SLC25A27: variants seen among roughly 807,000 people sequenced by gnomAD.
SLC25A27 encodes the protein mitochondrial uncoupling protein 4.
SLC25A27 carries 35 observed loss-of-function variants against 49.1 expected under a neutral mutation model. The ratio of observed to expected loss-of-function variants is 0.71; its 90% CI spans 0.54 to 0.95. SLC25A27 has a LOEUF of 0.95. Among genes scored for constraint, SLC25A27 ranks in the 40% least tolerant of loss-of-function variants. SLC25A27 has a pLI of 0.00. For synonymous variants in SLC25A27, 144 were observed against 136.9 expected (o/e 1.05, Z -0.36); for missense variants, 339 against 397.1 (o/e 0.85, Z 1.24).
intron 5 of SLC25A27, among the ~76,000 whole-genome samples, chr6:46,668,070 C>T (rs1260441565): frequency 7.2e-5 from 11 of 152,336 alleles, no homozygotes; most frequent in African/African-American, 2.2e-4. Context: ...AAGGGCCAGG[C>T]GCGGCGGCTC....
chr6:46,655,531 GTTTGTTTTTTTTTTTTTTTTTTTTTTT>G (rs1562033617), intron 1 of SLC25A27, among the ~76,000 whole-genome samples: 5 of 98,540 alleles, frequency 5.1e-5, no homozygotes, highest in Non-Finnish European at 1.1e-4. Flanking sequence ...TATTGTTAAT[GTTTGTTTTTTTTTTTTTTTTTTTTTTT>G]TTTTTTTTTT....
intron 5 of SLC25A27, among the ~76,000 whole-genome samples, chr6:46,668,288 C>T (rs1043718423): frequency 2.6e-5 from 4 of 152,074 alleles, no homozygotes; most frequent in South Asian, 2.1e-4. Context: ...CAGTGAGCCG[C>T]GATCACGCCA....
chr6:46,657,344 T>G (rs1763018266), intron 2 of SLC25A27, among the ~76,000 whole-genome samples: 1 of 152,016 alleles, frequency 6.6e-6, no homozygotes, highest in Non-Finnish European at 1.5e-5. Flanking sequence ...ATTCCTGTAA[T>G]CCCAGCTACT....
intron 5 of SLC25A27, 40 bp from the exon 6 acceptor site, chr6:46,668,669 A>G: frequency 8.8e-7 from 1 of 1,139,454 alleles, no homozygotes; most frequent in Non-Finnish European, 1.3e-6. Flanking sequence ...AAAGACATTC[A>G]CTGTTGACTG....
At chr6:46,653,347 C>G (rs1251098935) in intron 1 of SLC25A27, 49 bp downstream of exon 1, 1 of 1,568,892 alleles carries the variant, frequency 6.4e-7, no homozygotes, top group Non-Finnish European at 8.6e-7. Flanking sequence ...GCACGCGCCG[C>G]GCTGGGGGAG....
chr6:46,675,194 G>A (rs1199873883), intron 8 of SLC25A27, among the ~76,000 whole-genome samples: 1 of 152,060 alleles, frequency 6.6e-6, no homozygotes, highest in Non-Finnish European at 1.5e-5. Flanking sequence ...ACCTTGCTTT[G>A]CTCAGTCCCT....
rs757125990 is a variant in SLC25A27 at position 46,653,241 on chromosome 6, T to C, written c.49T>C (p.Trp17Arg). The change falls in exon 1 of 9, where the codon TGG becomes CGG. Residue 17 changes from tryptophan (W) to arginine (R), a missense_variant. Transcript: ENST00000371347. ...GAGGCTTTTGCCGCTGACCCAGAGATGGCCCCGAGCGAGCAAATTCCTACT... is the reference window on the plus strand; with the variant it reads ...GAGGCTTTTGCCGCTGACCCAGAGACGGCCCCGAGCGAGCAAATTCCTACT... ...EERLLPLTQRWPRASKFLLSG... is the reference protein window; with the variant it reads ...EERLLPLTQRRPRASKFLLSG... 6.2e-7 allele frequency: 1 copy of C among 1,613,724 alleles called. No homozygotes were observed. Among genetic ancestry groups the C allele is most frequent in the Admixed American group, 1.7e-5 (1 of 60,010 alleles).
intron 1 of SLC25A27, 180 bp downstream of exon 1, chr6:46,653,478 C>G: frequency 4.1e-6 from 4 of 985,460 alleles, no homozygotes; most frequent in Non-Finnish European, 4.8e-6. Context: ...ATTGAGGTCT[C>G]CACGGCCTTT....
intron 5 of SLC25A27, 108 bp from the exon 6 acceptor site, chr6:46,668,601 T>A (rs979878250): frequency 1.5e-6 from 1 of 667,870 alleles, no homozygotes; most frequent in Non-Finnish European, 2.7e-6. Flanking sequence ...GAAGGATTCC[T>A]TGGTAGCTTT....
rs6900238 is a variant in SLC25A27 at position 46,656,283 on chromosome 6, C to T, written c.298+249C>T. ...GCAACCTCTGCCTCCCAGGTTCAAG[C>T]GATTCTCCTGACTCAGCCTCCTGAG... On this transcript the variant is annotated intron_variant, in intron 2 of 8. Transcript: ENST00000371347. Among the ~76,000 whole-genome samples, 63,841 of 151,340 alleles carry T rather than the reference C, an allele frequency of 0.42. 13,811 individuals carry two copies. The highest frequency in any genetic ancestry group is 0.56 in the East Asian group (2,889 of 5,142).
At chr6:46,663,370 A>G (rs1763226283) in intron 4 of SLC25A27, among the ~76,000 whole-genome samples, 1 of 152,126 alleles carries the variant, frequency 6.6e-6, no homozygotes, top group Admixed American at 6.5e-5. Flanking sequence ...TAGCTGACTC[A>G]GTGGAAAAGG....
chr6:46,653,040 G>A lies in SLC25A27; in HGVS notation c.-153G>A. On this transcript the variant is annotated 5_prime_UTR_variant, in exon 1 of 9. Coordinates refer to ENST00000371347, the MANE Select transcript of SLC25A27 (RefSeq NM_004277.5). ...TCCAGCTGGGACTGCTAGGAAGGTTGCGGGTCCACCCGGCCGAGCCGAACG... is the reference window on the plus strand; with the variant it reads ...TCCAGCTGGGACTGCTAGGAAGGTTACGGGTCCACCCGGCCGAGCCGAACG... The A allele has an allele frequency of 1.5e-6, 1 of 688,118 alleles. No homozygotes were observed. The allele number at this position is 688,118 out of a possible 1,614,324, so 42.6% of individuals were successfully genotyped here.
chr6:46,665,014 G>A, intron 5 of SLC25A27, 128 bp downstream of exon 5: 2 of 472,842 alleles, frequency 4.2e-6, no homozygotes, highest in East Asian at 3.3e-5. Context: ...TTGACTGGCT[G>A]TATAGATGTT....
At chr6:46,653,319 G>T (rs1562031714) in intron 1 of SLC25A27, 21 bp downstream of exon 1, 1 of 1,598,372 alleles carries the variant, frequency 6.3e-7, no homozygotes, top group Non-Finnish European at 8.5e-7. Context: ...GCCCACGCCT[G>T]GGCCTCCCGG....
rs888973818 is a variant in SLC25A27, at chr6:46,652,982, T to C, written c.-211T>C. The C allele has an allele frequency of 6.8e-6, 4 of 584,106 alleles. No homozygotes were observed. Among genetic ancestry groups the C allele is most frequent in the Non-Finnish European group, 1.2e-5 (4 of 329,422 alleles). 36.2% of individuals were successfully genotyped at this position (584,106 alleles called of 1,614,324 possible). ...AACCTCCTGGGCTCCGCTGTGTTTT[T>C]CTATTCTGGGGTGTAAGGGGCAGCT... On this transcript the variant is annotated 5_prime_UTR_variant, in exon 1 of 9. Coordinates refer to ENST00000371347, the MANE Select transcript of SLC25A27 (RefSeq NM_004277.5).
Position 46,670,274 on chromosome 6 carries a change from C to A in SLC25A27, c.797+47C>A, listed in dbSNP as rs766559973. 3.3e-5 allele frequency: 40 copies of A among 1,202,266 alleles called. No homozygotes were observed. The Admixed American group carries it at 7.7e-4, about 23-fold the overall frequency. The allele number at this position is 1,202,266 out of a possible 1,614,324, so 74.5% of individuals were successfully genotyped here. A position where few individuals can be genotyped will look rare whatever the true frequency, so the allele number is the denominator to read the frequency against. Reference sequence around the variant, plus strand: ...TCCATGTGCTTGAATATCTGTAATACCTTTGTGTTTTAAAGATGCATCTCT... The same window carrying A: ...TCCATGTGCTTGAATATCTGTAATAACTTTGTGTTTTAAAGATGCATCTCT... On this transcript the variant is annotated intron_variant, in intron 7 of 8. Coordinates refer to ENST00000371347, the MANE Select transcript of SLC25A27 (RefSeq NM_004277.5).
At chr6:46,675,651 T>C (rs1298262212) in intron 8 of SLC25A27, among the ~76,000 whole-genome samples, 1 of 152,198 alleles carries the variant, frequency 6.6e-6, no homozygotes. Context: ...GCAGGAATTA[T>C]TAGATCCAAG....
chr6:46,664,900 T>C lies in SLC25A27; in HGVS notation c.619+14T>C, dbSNP rs746057159. 4 of 1,431,012 alleles carry C rather than the reference T, an allele frequency of 2.8e-6. No individual in the cohort carries two copies. In the South Asian group the frequency reaches 3.9e-5, roughly 14 times the overall value. 88.6% of individuals were successfully genotyped at this position (1,431,012 alleles called of 1,614,324 possible). ...TGAATATGGGAGGTAATGAAAACTT[T>C]GTTAAATTCTAAAAAGTCCTAATTG... On this transcript the variant is annotated intron_variant, in intron 5 of 8. Coordinates refer to ENST00000371347, the MANE Select transcript of SLC25A27 (RefSeq NM_004277.5).
chr6:46,662,294 C>A, intron 3 of SLC25A27, 82 bp from the exon 4 acceptor site: 1 of 1,223,212 alleles, frequency 8.2e-7, no homozygotes. Context: ...CTTACCTAGG[C>A]CCTGTACCAG....
Sources: allele counts gnomAD v4.1 joint callset (sites outside exome capture counted in the v4.1 genomes callset), GRCh38; gene constraint gnomAD v4.1.1; transcripts MANE v1.5; gene names NCBI Gene and HGNC (gene_info 2026-07-23, HGNC 2026-07-21).